The following VASH2 variants were observed in gnomAD, a reference collection of about 807,000 sequenced individuals.
The protein encoded by VASH2 is tubulinyl-Tyr carboxypeptidase 2.
In VASH2, 28 loss-of-function variants were observed where a neutral mutation model predicts 37.2. The ratio of observed to expected loss-of-function variants is 0.75; its 90% CI spans 0.56 to 1.03. The LOEUF is 1.03. VASH2 is among the 50% of genes least tolerant of loss of function. The probability of loss-of-function intolerance (pLI) is 0.00; values close to 1 mark genes in which losing one functional copy is unlikely to be tolerated. For missense variants in VASH2, 419 were observed against 459.1 expected (o/e 0.91, Z 0.80); for synonymous variants, 188 against 174.7 (o/e 1.08, Z -0.60).
At chr1:212,980,208 A>G (rs1354713059) in intron 7 of VASH2, among the ~76,000 whole-genome samples, 2 of 152,202 alleles carry the variant, frequency 1.3e-5, no homozygotes, top group African/African-American at 2.4e-5. Context: ...CTGACAGTTC[A>G]TGACTCTTGG....
chr1:212,953,202 C>T (rs1666375473), intron 2 of VASH2, among the ~76,000 whole-genome samples: 3 of 150,772 alleles, frequency 2.0e-5, no homozygotes, highest in Admixed American at 2.0e-4. Flanking sequence ...GTGCTTTTAT[C>T]CTTCCTCCAA....
rs376250249 is a variant in VASH2, at chr1:212,961,154, A to G, written c.277-12A>G. 1.3e-5 allele frequency: 21 copies of G among 1,613,614 alleles called. No individual in the cohort carries two copies. The African/African-American group carries it at 2.4e-4, about 18-fold the overall frequency. ...CCTTCATAAACACCTCCTCTTCTCT[A>G]TTTTTCTGCAGCCTTCAATACCCCA... is the stretch of plus-strand genomic sequence containing the variant. On this transcript the variant is annotated splice_polypyrimidine_tract_variant and intron_variant, in intron 2 of 7. Coordinates refer to ENST00000517399, the MANE Select transcript of VASH2 (RefSeq NM_001301056.2).
intron 3 of VASH2, among the ~76,000 whole-genome samples, chr1:212,964,858 C>T (rs1666791984): frequency 6.6e-6 from 1 of 152,136 alleles, no homozygotes; most frequent in South Asian, 2.1e-4. Flanking sequence ...TTCATCCATC[C>T]ATTCATGTAT....
At chr1:212,969,975 A>C (rs893287314) in intron 5 of VASH2, among the ~76,000 whole-genome samples, 4 of 152,094 alleles carry the variant, frequency 2.6e-5, no homozygotes, top group Admixed American at 1.3e-4. Context: ...ATGCTTTTAC[A>C]TGCATGCTGG....
At chr1:212,958,439 G>T (rs758004235) in intron 2 of VASH2, among the ~76,000 whole-genome samples, 3 of 152,194 alleles carry the variant, frequency 2.0e-5, no homozygotes, top group East Asian at 1.9e-4. Context: ...GCCCTTGGGC[G>T]CCATCGGGTT....
rs1226548454 is a variant in VASH2 at position 212,991,307 on chromosome 1, G to A, written c.*2723G>A. ...AATTCTTACTATACCTGAGTCTTTTGTAAGCTATAGTTTTATGTACAACCT... is the reference window on the plus strand; with the variant it reads ...AATTCTTACTATACCTGAGTCTTTTATAAGCTATAGTTTTATGTACAACCT... On this transcript the variant is annotated 3_prime_UTR_variant, in exon 8 of 8. Coordinates refer to ENST00000517399, the MANE Select transcript of VASH2 (RefSeq NM_001301056.2). 6.6e-6 allele frequency: 1 copy of A among 152,126 alleles called. No homozygotes were observed. Among genetic ancestry groups the A allele is most frequent in the African/African-American group, 2.4e-5 (1 of 41,434 alleles). The allele number at this position is 152,126 out of a possible 1,614,324, so 9.4% of individuals were successfully genotyped here. A position where few individuals can be genotyped will look rare whatever the true frequency, so the allele number is the denominator to read the frequency against.
rs1666313560 is a variant in VASH2, at chr1:212,951,683, G to C, written c.141G>C (p.Val47=). The change falls in exon 2 of 8, where the codon GTG becomes GTC. Residue 47 remains valine (V), a synonymous_variant. Transcript: ENST00000517399. The surrounding 1 kb of genome is among the most constrained non-coding windows in gnomAD (Gnocchi z 4.4). ...AGGAGGAGGACAAAGACGGCGGGGTGCTGTTCCACGTCAACAAGAGCGGCT... is the reference window on the plus strand; with the variant it reads ...AGGAGGAGGACAAAGACGGCGGGGTCCTGTTCCACGTCAACAAGAGCGGCT... ...GSEEEDKDGG[V]LFHVNKSGFP... The C allele has an allele frequency of 6.3e-7, 1 of 1,598,986 alleles. No individual in the cohort carries two copies. Among genetic ancestry groups the C allele is most frequent in the Non-Finnish European group, 8.5e-7 (1 of 1,174,040 alleles).
chr1:212,957,414 T>A (rs6688741), intron 2 of VASH2, among the ~76,000 whole-genome samples: 1 of 152,050 alleles, frequency 6.6e-6, no homozygotes, highest in Non-Finnish European at 1.5e-5. Flanking sequence ...TTGTCACCAA[T>A]GCATCCCCAG....
chr1:212,954,954 C>CCCTG (rs1246626092), intron 2 of VASH2, among the ~76,000 whole-genome samples: 1 of 152,134 alleles, frequency 6.6e-6, no homozygotes, highest in Non-Finnish European at 1.5e-5. Context: ...AAGCCCTGAC[C>CCCTG]CCTGCCTAGG....
At position 212,973,874 on chromosome 1, in the gene VASH2, G is replaced by A. The variant is rs1667094387; in HGVS notation, c.880-81G>A. ...CATGGCATCATGATTGGGCTGGGGGGTGGAATGTGGTGCTAGAAGAAGACC... is the reference window on the plus strand; with the variant it reads ...CATGGCATCATGATTGGGCTGGGGGATGGAATGTGGTGCTAGAAGAAGACC... On this transcript the variant is annotated intron_variant, in intron 6 of 7. Coordinates refer to ENST00000517399, the MANE Select transcript of VASH2 (RefSeq NM_001301056.2). The A allele has an allele frequency of 1.4e-5, 21 of 1,524,918 alleles. No individual in the cohort carries two copies. The South Asian group carries it at 2.0e-4, about 15-fold the overall frequency. The allele number at this position is 1,524,918 out of a possible 1,614,324, so 94.5% of individuals were successfully genotyped here.
intron 5 of VASH2, chr1:212,968,680 C>A: frequency 1.0e-6 from 1 of 985,592 alleles, no homozygotes; most frequent in Non-Finnish European, 1.2e-6. Context: ...GAATGGGGGT[C>A]GGGGCAGCAG....
At position 212,951,693 on chromosome 1, in the gene VASH2, G is replaced by A. The variant is rs1356915024; in HGVS notation, c.151G>A (p.Val51Ile). 12 of 1,601,554 alleles carry A rather than the reference G, an allele frequency of 7.5e-6. No homozygotes were observed. Among genetic ancestry groups the A allele is most frequent in the Admixed American group, 1.7e-5 (1 of 57,682 alleles). ...CAAAGACGGCGGGGTGCTGTTCCAC[G>A]TCAACAAGAGCGGCTTCCCCATCGA... The part of the protein sequence containing the change: ...EDKDGGVLFH[V>I]NKSGFPIDSH... Residue 51 changes from valine (V) to isoleucine (I), a missense_variant, in exon 2 of 8, where the codon GTC becomes ATC. Around this residue, in one of 3 missense-constraint regions of VASH2, gnomAD observed 158 missense variants for 163.0 expected, o/e 0.97. Transcript: ENST00000517399. This position sits in a 1 kb window ranked among gnomAD's most constrained non-coding sequence, Gnocchi z 4.4.
intron 5 of VASH2, chr1:212,968,102 G>A: frequency 1.6e-6 from 1 of 629,176 alleles, no homozygotes; most frequent in Non-Finnish European, 2.0e-6. Context: ...GGAAAGATGA[G>A]CTCAGATTTG....
chr1:212,952,925 A>T (rs575496997), intron 2 of VASH2: 2 of 152,190 alleles, frequency 1.3e-5, no homozygotes, highest in Non-Finnish European at 2.9e-5. Flanking sequence ...ACAGTGTTCT[A>T]TTACTCTGCT....
In VASH2 at chr1:212,990,840, A is replaced by G. The variant is rs528616416; in HGVS notation, c.*2256A>G. 2.6e-5 allele frequency: 4 copies of G among 152,226 alleles called. No homozygotes were observed. Among genetic ancestry groups the G allele is most frequent in the African/African-American group, 9.6e-5 (4 of 41,482 alleles). The allele number at this position is 152,226 out of a possible 1,614,324, so 9.4% of individuals were successfully genotyped here. A position where few individuals can be genotyped will look rare whatever the true frequency, so the allele number is the denominator to read the frequency against. On this transcript the variant is annotated 3_prime_UTR_variant, in exon 8 of 8. Coordinates refer to ENST00000517399, the MANE Select transcript of VASH2 (RefSeq NM_001301056.2). ...TCATCCTACTTTTATTGCCTATGGA[A>G]TATGCTAATTTCTAAAAAAAATACG...
At chr1:212,953,234 G>GC (rs932062481) in intron 2 of VASH2, among the ~76,000 whole-genome samples, 1 of 128,186 alleles carries the variant, frequency 7.8e-6, no homozygotes, top group East Asian at 2.4e-4. Context: ...GGTGCGCGGG[G>GC]GGGGGTGCAT....
At chr1:212,984,642 G>A (rs1667426961) in intron 7 of VASH2, among the ~76,000 whole-genome samples, 1 of 152,212 alleles carries the variant, frequency 6.6e-6, no homozygotes, top group Admixed American at 6.5e-5. Flanking sequence ...GAAGATGCCA[G>A]GCCAGGAAGG....
At chr1:212,966,404 C>A in intron 5 of VASH2, 59 bp downstream of exon 5, 1 of 1,398,076 alleles carries the variant, frequency 7.2e-7, no homozygotes, top group Non-Finnish European at 9.9e-7. Flanking sequence ...CACAATGGGG[C>A]TTGTTGTGCC....
intron 3 of VASH2, among the ~76,000 whole-genome samples, chr1:212,961,547 CCT>C (rs1382777140): frequency 6.6e-6 from 1 of 152,128 alleles, no homozygotes; most frequent in Non-Finnish European, 1.5e-5. Context: ...TCTATCTTCT[CCT>C]CTTTCTCCAC....
Sources: gnomAD v4.1 joint callset for allele counts (sites outside exome capture counted in the v4.1 genomes callset) on GRCh38, gnomAD v4.1.1 for gene constraint, gnomAD v4.1.1 regional missense constraint, Gnocchi (gnomAD v3.1) non-coding constraint, MANE v1.5 for transcripts, NCBI Gene and HGNC (gene_info 2026-07-23, HGNC 2026-07-21) for gene names.